The following ATG16L1 variants were observed in gnomAD, a reference collection of about 807,000 sequenced individuals.
ATG16L1 encodes autophagy related 16 like 1, also known as autophagy-related protein 16-1.
Under a neutral mutation model 88.5 loss-of-function variants are expected in ATG16L1, and 37 were observed. The ratio of observed to expected loss-of-function variants is 0.42; its 90% CI spans 0.32 to 0.55. ATG16L1 has a LOEUF of 0.55. ATG16L1 is among the 20% of genes least tolerant of loss of function. The probability of loss-of-function intolerance (pLI) is 0.13; values close to 1 mark genes in which losing one functional copy is unlikely to be tolerated. For synonymous variants in ATG16L1, 301 were observed against 281.0 expected, an observed-to-expected ratio of 1.07 and a Z score of -0.71; for missense variants, 554 against 752.8, an observed-to-expected ratio of 0.74 and a Z score of 3.09.
chr2:233,284,430 C>T (rs1224927982), intron 12 of ATG16L1, among the ~76,000 whole-genome samples: 2 of 152,202 alleles, frequency 1.3e-5, no homozygotes, highest in Non-Finnish European at 2.9e-5. Flanking sequence ...CTGCCAGGTT[C>T]ACGCCAGTCT....
intron 1 of ATG16L1, among the ~76,000 whole-genome samples, chr2:233,254,997 A>G (rs1696674341): frequency 6.6e-6 from 1 of 151,450 alleles, no homozygotes; most frequent in Admixed American, 6.6e-5. Flanking sequence ...TTATTTAGAG[A>G]CAGTCTCACT....
At chr2:233,283,683 T>C (rs190995140) in intron 12 of ATG16L1, among the ~76,000 whole-genome samples, 1 of 151,962 alleles carries the variant, frequency 6.6e-6, no homozygotes, top group African/African-American at 2.4e-5. Flanking sequence ...CCTGAGTAGC[T>C]AGGATTACAG....
intron 6 of ATG16L1, among the ~76,000 whole-genome samples, chr2:233,271,194 G>A (rs967800899): frequency 6.6e-6 from 1 of 152,210 alleles, no homozygotes; most frequent in African/African-American, 2.4e-5. Context: ...AATTTAGACA[G>A]GTTGAGCATC....
At chr2:233,285,157 G>A (rs1200213538) in intron 12 of ATG16L1, among the ~76,000 whole-genome samples, 2 of 152,164 alleles carry the variant, frequency 1.3e-5, no homozygotes, top group South Asian at 2.1e-4. Context: ...TCATGGCTAC[G>A]TTCTAATCCA....
intron 9 of ATG16L1, chr2:233,277,113 G>A (rs12472475): frequency 0.077 from 11,899 of 154,088 alleles, 500 homozygotes; most frequent in African/African-American, 0.11. Context: ...CATTGCGAAA[G>A]CTGTATTATG....
intron 2 of ATG16L1, among the ~76,000 whole-genome samples, chr2:233,256,850 C>G (rs1420137806): frequency 6.6e-6 from 1 of 151,786 alleles, no homozygotes; most frequent in African/African-American, 2.4e-5. Context: ...TACAGGAACC[C>G]ACCACCACAC....
At chr2:233,289,056 C>A in intron 12 of ATG16L1, 1 of 400,248 alleles carries the variant, frequency 2.5e-6, no homozygotes, top group Non-Finnish European at 5.0e-6. Context: ...ATGGAACTGA[C>A]TTTCAGCAGC....
chr2:233,255,851 T>C (rs560871012), intron 1 of ATG16L1, among the ~76,000 whole-genome samples: 8 of 152,354 alleles, frequency 5.3e-5, no homozygotes, highest in African/African-American at 1.9e-4. Flanking sequence ...ACATAGCATT[T>C]CACTTTGCCA....
Position 233,272,987 on chromosome 2 carries a change from T to G in ATG16L1, c.729T>G (p.Ile243Met), listed in dbSNP as rs148404040. ...CCAGGGATGATGACATTGAGGTCAT[T>G]GTGGATGAAACTTCTGATCACACAG... Reference protein sequence around the residue: ...PVEQDDDIEVIVDETSDHTEE... With the variant: ...PVEQDDDIEVMVDETSDHTEE... The change falls in exon 7 of 18, where the codon ATT (isoleucine) becomes ATG (methionine). Residue 243 changes from isoleucine to methionine, a missense_variant. Physicochemically the swap from Ile to Met is conservative, Grantham distance 10 (BLOSUM62 1). Coordinates refer to ENST00000392017, the MANE Select transcript of ATG16L1 (RefSeq NM_030803.7). The G allele has an allele frequency of 6.2e-7, 1 of 1,614,092 alleles. No individual in the cohort carries two copies. Among genetic ancestry groups the G allele is most frequent in the Non-Finnish European group, 8.5e-7 (1 of 1,179,946 alleles).
chr2:233,252,549 ATT>A (rs2125186216), intron 1 of ATG16L1, among the ~76,000 whole-genome samples: 1 of 152,044 alleles, frequency 6.6e-6, no homozygotes, highest in South Asian at 2.1e-4. Context: ...CGGTCGGCTA[ATT>A]TTTTTAAAAA....
chr2:233,274,807 C>G lies in ATG16L1; in HGVS notation c.954+29C>G, dbSNP rs768483602. 4 of 1,539,658 alleles carry G rather than the reference C, an allele frequency of 2.6e-6. No individual in the cohort carries two copies. The South Asian group carries it at 4.5e-5, about 17-fold the overall frequency. On this transcript the variant is annotated intron_variant, in intron 9 of 17. Coordinates refer to ENST00000392017, the MANE Select transcript of ATG16L1 (RefSeq NM_030803.7). ...AGTATGCTTCAGCCCCGAACCCTAC[C>G]ACGCTTGATATGGTGACAGAGCCTG... is the stretch of plus-strand genomic sequence containing the variant.
At chr2:233,263,579 C>G (rs533523330) in intron 3 of ATG16L1, among the ~76,000 whole-genome samples, 34 of 152,330 alleles carry the variant, frequency 2.2e-4, no homozygotes, top group African/African-American at 7.7e-4. Flanking sequence ...AGTACAAACC[C>G]TGAAATTTCA....
At position 233,283,905 on chromosome 2, in the gene ATG16L1, C is replaced by T. The variant is rs190093936; in HGVS notation, c.1203+1152C>T. Among the ~76,000 whole-genome samples the T allele has an allele frequency of 4.5e-3, 676 of 150,384 alleles. 3 individuals carry two copies. The highest frequency in any genetic ancestry group is 0.016 in the African/African-American group (636 of 40,814). On this transcript the variant is annotated intron_variant, in intron 12 of 17. Coordinates refer to ENST00000392017, the MANE Select transcript of ATG16L1 (RefSeq NM_030803.7). ...TGTCATCCAGGCTAGAGTGCAATGG[C>T]GCAATCTTGGCTCACTGCAAACTCT...
Position 233,251,694 on chromosome 2 carries a change from G to T in ATG16L1, c.-134G>T. ...CGGAAGACCGTCCCGGATGGCCTCG[G>T]GGACTGCCAGTGTGTGGAGGTGAGC... On this transcript the variant is annotated 5_prime_UTR_variant, in exon 1 of 18. Transcript: ENST00000392017. 2.6e-6 allele frequency: 2 copies of T among 760,158 alleles called. No homozygotes were observed. Among genetic ancestry groups the T allele is most frequent in the South Asian group, 3.1e-5 (2 of 63,792 alleles). 47.1% of individuals were successfully genotyped at this position (760,158 alleles called of 1,614,324 possible).
At chr2:233,292,075 T>C (rs1699501704) in intron 14 of ATG16L1, 53 bp from the exon 15 acceptor site, 2 of 1,591,104 alleles carry the variant, frequency 1.3e-6, no homozygotes, top group African/African-American at 1.4e-5. Context: ...CACGGCATGA[T>C]GTGAAGTAGT....
At chr2:233,288,810 C>T (rs1261017986) in intron 12 of ATG16L1, 4 of 519,096 alleles carry the variant, frequency 7.7e-6, no homozygotes, top group African/African-American at 5.8e-5. Flanking sequence ...TCCGTGATGT[C>T]CCTCATTCTG....
At chr2:233,277,843 A>G (rs2241877) in intron 10 of ATG16L1, among the ~76,000 whole-genome samples, 170 bp downstream of exon 10, 104,703 of 152,072 alleles carry the variant, frequency 0.69, 36,311 homozygotes, top group South Asian at 0.8. Flanking sequence ...CCAAAGCATC[A>G]TACATCTCAG....
chr2:233,261,900 T>A (rs1255339984), intron 2 of ATG16L1, among the ~76,000 whole-genome samples: 1 of 152,234 alleles, frequency 6.6e-6, no homozygotes, highest in Non-Finnish European at 1.5e-5. Flanking sequence ...AACTCACTCC[T>A]GTGGCTTTAG....
intron 5 of ATG16L1, among the ~76,000 whole-genome samples, chr2:233,269,739 A>G (rs1015738031): frequency 2.2e-4 from 34 of 152,222 alleles, no homozygotes; most frequent in African/African-American, 8.2e-4. Context: ...CCCAGAAGGC[A>G]GGCCTCCTCC....
Sources: gnomAD v4.1 joint callset for allele counts (sites outside exome capture counted in the v4.1 genomes callset) on GRCh38, gnomAD v4.1.1 for gene constraint, MANE v1.5 for transcripts, NCBI Gene and HGNC (gene_info 2026-07-23, HGNC 2026-07-21) for gene names.